Variants in NKAIN2 observed in about 807,000 individuals in gnomAD.
NKAIN2 encodes the protein sodium/potassium transporting ATPase interacting 2.
Under a neutral mutation model 32.6 loss-of-function variants are expected in NKAIN2, and 14 were observed. That is an observed-to-expected ratio of 0.43 (90% CI 0.28 to 0.67). The LOEUF is 0.67. Among genes scored for constraint, NKAIN2 ranks in the 30% least tolerant of loss-of-function variants. The pLI, the probability that NKAIN2 is intolerant of heterozygous loss-of-function variation, is 0.17. For missense variants in NKAIN2, 198 were observed against 258.3 expected (o/e 0.77, Z 1.60); for synonymous variants, 80 against 87.2 (o/e 0.92, Z 0.46).
chr6:124,504,512 A>C (rs1778403766), intron 3 of NKAIN2, among the ~76,000 whole-genome samples: 1 of 152,196 alleles, frequency 6.6e-6, no homozygotes. Context: ...AGAATAACTC[A>C]TCAACAGCAT....
At chr6:124,372,585 T>G (rs928233956) in intron 3 of NKAIN2, among the ~76,000 whole-genome samples, 1 of 152,210 alleles carries the variant, frequency 6.6e-6, no homozygotes, top group Admixed American at 6.5e-5. Flanking sequence ...GAAACATACA[T>G]TTTGGAAAAT....
chr6:123,817,782 A>G (rs1471317440), intron 1 of NKAIN2, among the ~76,000 whole-genome samples: 1 of 152,192 alleles, frequency 6.6e-6, no homozygotes, highest in East Asian at 1.9e-4. Flanking sequence ...AGGCATGGGG[A>G]AAAAACAGGA....
At chr6:124,691,984 G>A (rs987453460) in intron 4 of NKAIN2, among the ~76,000 whole-genome samples, 1 of 152,078 alleles carries the variant, frequency 6.6e-6, no homozygotes, top group African/African-American at 2.4e-5. Flanking sequence ...TGATAAAAGT[G>A]CATTGTTATA....
At chr6:124,561,351 G>A (rs763948750) in intron 3 of NKAIN2, among the ~76,000 whole-genome samples, 8 of 152,088 alleles carry the variant, frequency 5.3e-5, no homozygotes, top group African/African-American at 4.8e-5. Context: ...TTGCAATCTC[G>A]TGTTTTATGC....
chr6:123,838,593 T>A (rs994564899), intron 1 of NKAIN2, among the ~76,000 whole-genome samples: 1 of 152,184 alleles, frequency 6.6e-6, no homozygotes, highest in Non-Finnish European at 1.5e-5. Context: ...AAATACCTAA[T>A]ATATTGATTT....
At chr6:124,531,679 T>C (rs1311774550) in intron 3 of NKAIN2, among the ~76,000 whole-genome samples, 3 of 152,142 alleles carry the variant, frequency 2.0e-5, no homozygotes, top group Non-Finnish European at 4.4e-5. Flanking sequence ...TTTTCTTTCT[T>C]TCTGTTTTTT....
intron 1 of NKAIN2, among the ~76,000 whole-genome samples, chr6:123,809,176 A>C (rs1347521147): frequency 1.3e-5 from 2 of 152,170 alleles, no homozygotes; most frequent in Middle Eastern, 3.2e-3. Context: ...AAATGTCAGA[A>C]ATGAAACACA....
At position 124,506,812 on chromosome 6, in the gene NKAIN2, A is replaced by G. The variant is rs1303029772; in HGVS notation, c.274-151374A>G. On this transcript the variant is annotated intron_variant, in intron 3 of 6. Coordinates refer to ENST00000368417, the MANE Select transcript of NKAIN2 (RefSeq NM_001040214.3). ...CTAAAGACATAACTTGAGCCTTTGC[A>G]AGGTGTCTTTGGCAGAGATCTAAAA... 2.0e-5 allele frequency among the ~76,000 whole-genome samples: 3 copies of G among 152,174 alleles called. No individual in the cohort carries two copies. In the East Asian group the frequency reaches 5.8e-4, roughly 29 times the overall value.
intron 1 of NKAIN2, among the ~76,000 whole-genome samples, chr6:123,839,169 C>T (rs1223458268): frequency 6.7e-6 from 1 of 150,128 alleles, no homozygotes; most frequent in African/African-American, 2.5e-5. Context: ...CCCACTTGAA[C>T]TTGCAGAAGG....
At chr6:124,585,364 C>G (rs140237519) in intron 3 of NKAIN2, among the ~76,000 whole-genome samples, 1 of 151,988 alleles carries the variant, frequency 6.6e-6, no homozygotes. Context: ...TACAAAAATA[C>G]GGTGAGATAG....
At chr6:123,856,766 G>A (rs778004184) in intron 1 of NKAIN2, among the ~76,000 whole-genome samples, 1 of 152,190 alleles carries the variant, frequency 6.6e-6, no homozygotes, top group Non-Finnish European at 1.5e-5. Context: ...GGGAGGTGGA[G>A]CCGGCCTCTC....
chr6:123,826,780 T>C (rs1486388013), intron 1 of NKAIN2, among the ~76,000 whole-genome samples: 1 of 152,158 alleles, frequency 6.6e-6, no homozygotes, highest in Admixed American at 6.6e-5. Flanking sequence ...CCTTTGAAAA[T>C]TGTAAATAAT....
intron 3 of NKAIN2, among the ~76,000 whole-genome samples, chr6:124,421,587 T>C (rs1774754012): frequency 6.6e-6 from 1 of 152,202 alleles, no homozygotes; most frequent in Non-Finnish European, 1.5e-5. Context: ...TATCTTTTTT[T>C]TGTTTTGTAC....
At chr6:123,972,075 A>G (rs979759178) in intron 1 of NKAIN2, among the ~76,000 whole-genome samples, 13 of 152,198 alleles carry the variant, frequency 8.5e-5, no homozygotes, top group African/African-American at 2.9e-4. Context: ...CCACTTAATG[A>G]ATAGTAAATA....
At chr6:124,487,668 T>C (rs1465558579) in intron 3 of NKAIN2, among the ~76,000 whole-genome samples, 1 of 152,178 alleles carries the variant, frequency 6.6e-6, no homozygotes, top group Non-Finnish European at 1.5e-5. Context: ...TCCTTGCCTA[T>C]CGGTGATCAT....
chr6:124,408,110 G>A (rs1223939202), intron 3 of NKAIN2, among the ~76,000 whole-genome samples: 6 of 152,046 alleles, frequency 3.9e-5, no homozygotes, highest in Admixed American at 2.0e-4. Flanking sequence ...TTTGTCAGAT[G>A]AGTAGATTGC....
intron 3 of NKAIN2, among the ~76,000 whole-genome samples, chr6:124,411,331 T>G (rs1260870987): frequency 6.6e-6 from 1 of 152,018 alleles, no homozygotes; most frequent in Non-Finnish European, 1.5e-5. Context: ...GGTTGTTCCT[T>G]TCCATGTTTA....
intron 3 of NKAIN2, among the ~76,000 whole-genome samples, chr6:124,363,500 C>T (rs1392468276): frequency 6.6e-6 from 1 of 152,166 alleles, no homozygotes; most frequent in East Asian, 1.9e-4. Flanking sequence ...TCTGTTAAGG[C>T]ATTAGGCAAA....
intron 4 of NKAIN2, among the ~76,000 whole-genome samples, chr6:124,661,416 C>G (rs918890489): frequency 1.3e-5 from 2 of 152,188 alleles, no homozygotes; most frequent in South Asian, 4.1e-4. Context: ...CACCCTCATT[C>G]AGCCTTTCTT....
Sources: gnomAD v4.1 joint callset for allele counts (sites outside exome capture counted in the v4.1 genomes callset) on GRCh38, gnomAD v4.1.1 for gene constraint, MANE v1.5 for transcripts, NCBI Gene and HGNC (gene_info 2026-07-23, HGNC 2026-07-21) for gene names.